The following EFCAB6 variants were observed in gnomAD, a reference collection of about 807,000 sequenced individuals.
EFCAB6 encodes the protein EF-hand calcium-binding domain-containing protein 6.
In EFCAB6, 156 loss-of-function variants were observed where a neutral mutation model predicts 169.8. The observed-to-expected ratio is 0.92, with a 90% CI of 0.81 to 1.05. EFCAB6 has a LOEUF of 1.05. Ranked by LOEUF, EFCAB6 falls within the 50% of genes least tolerant of loss-of-function variation. EFCAB6 has a pLI of 0.00. For missense variants in EFCAB6, 1,800 were observed against 1,829.1 expected, an observed-to-expected ratio of 0.98 and a Z score of 0.29; for synonymous variants, 698 against 676.4, an observed-to-expected ratio of 1.03 and a Z score of -0.50.
intron 21 of EFCAB6, among the ~76,000 whole-genome samples, chr22:43,614,541 G>C (rs1163910159): frequency 6.6e-6 from 1 of 152,230 alleles, no homozygotes; most frequent in Non-Finnish European, 1.5e-5. Context: ...GACGGCATAA[G>C]AGAAAATTTA....
chr22:43,680,862 C>A (rs1253767710), intron 12 of EFCAB6, among the ~76,000 whole-genome samples: 1 of 152,196 alleles, frequency 6.6e-6, no homozygotes, highest in Non-Finnish European at 1.5e-5. Context: ...CACACATGCA[C>A]AAATTCCTTA....
chr22:43,796,448 T>C (rs557011262), intron 2 of EFCAB6, among the ~76,000 whole-genome samples: 1 of 152,204 alleles, frequency 6.6e-6, no homozygotes, highest in Non-Finnish European at 1.5e-5. Flanking sequence ...ACTGTTTTGT[T>C]TGTAATACTC....
intron 4 of EFCAB6, among the ~76,000 whole-genome samples, chr22:43,770,783 A>G (rs184605747): frequency 1.1e-4 from 17 of 152,314 alleles, no homozygotes; most frequent in African/African-American, 4.1e-4. Flanking sequence ...TGGGACAGAA[A>G]AAAATTTGAG....
intron 17 of EFCAB6, among the ~76,000 whole-genome samples, chr22:43,664,085 T>C (rs1438264942): frequency 6.6e-6 from 1 of 152,190 alleles, no homozygotes; most frequent in African/African-American, 2.4e-5. Context: ...AGCATGCTGG[T>C]TGCCACCATG....
intron 3 of EFCAB6, among the ~76,000 whole-genome samples, chr22:43,774,087 C>T (rs1407464438): frequency 6.6e-6 from 1 of 151,984 alleles, no homozygotes; most frequent in Non-Finnish European, 1.5e-5. Context: ...TTAACATTGC[C>T]TCATCCTTTA....
At chr22:43,655,512 C>A (rs1218311841) in intron 17 of EFCAB6, among the ~76,000 whole-genome samples, 10 of 125,284 alleles carry the variant, frequency 8.0e-5, no homozygotes, top group African/African-American at 2.8e-4. Context: ...CAGAGCGAGA[C>A]CCTGTCTCAA....
At chr22:43,534,501 CTG>C (rs111457307) in intron 30 of EFCAB6, among the ~76,000 whole-genome samples, 185 bp downstream of exon 30, 3,194 of 152,324 alleles carry the variant, frequency 0.021, 117 homozygotes, top group African/African-American at 0.073. Flanking sequence ...CAGCTTGTGC[CTG>C]TGGTCCTAGT....
intron 3 of EFCAB6, among the ~76,000 whole-genome samples, chr22:43,774,795 G>A (rs919444173): frequency 6.6e-6 from 1 of 151,808 alleles, no homozygotes; most frequent in Admixed American, 6.6e-5. Context: ...AAAGGGGGAT[G>A]GGGGTGGGGA....
chr22:43,538,276 T>C (rs2047499304), intron 28 of EFCAB6, among the ~76,000 whole-genome samples: 1 of 152,200 alleles, frequency 6.6e-6, no homozygotes, highest in African/African-American at 2.4e-5. Flanking sequence ...CTGTTGGCTC[T>C]ACCTTGATGA....
chr22:43,529,974 A>G (rs1040936593), intron 31 of EFCAB6, among the ~76,000 whole-genome samples: 35 of 152,258 alleles, frequency 2.3e-4, no homozygotes, highest in African/African-American at 7.7e-4. Context: ...AGGAGACTGG[A>G]AAGCAGGGCT....
intron 7 of EFCAB6, among the ~76,000 whole-genome samples, chr22:43,735,543 C>G (rs1229883749): frequency 1.3e-5 from 2 of 152,096 alleles, no homozygotes; most frequent in Non-Finnish European, 2.9e-5. Flanking sequence ...GGGGCGGGCA[C>G]AGTGCCAAGT....
In EFCAB6 at chr22:43,632,216, T is replaced by G. The variant is rs201501464; in HGVS notation, c.2121A>C (p.Glu707Asp). 19 of 1,613,688 alleles carry G rather than the reference T, an allele frequency of 1.2e-5. No individual in the cohort carries two copies. The highest frequency in any genetic ancestry group is 1.6e-5 in the Non-Finnish European group (19 of 1,179,876). ...GAGTTGGAGGCTGCGGCGGAGTGGT[T>G]TCCGGCCCTCTCATTGGAGGATCTG... The part of the protein sequence containing the change: ...GFEDPPMRGP[E>D]TTPPQPPTPS... The change falls in exon 19 of 32, where the codon GAA (glutamate) becomes GAC (aspartate). Residue 707 changes from glutamate to aspartate, a missense_variant. Coordinates refer to ENST00000262726, the MANE Select transcript of EFCAB6 (RefSeq NM_022785.4).
intron 4 of EFCAB6, among the ~76,000 whole-genome samples, chr22:43,766,121 C>T (rs1321190545): frequency 2.0e-5 from 3 of 152,100 alleles, no homozygotes; most frequent in African/African-American, 7.2e-5. Context: ...CTGCAACCTT[C>T]GCCTCCCCGG....
intron 17 of EFCAB6, among the ~76,000 whole-genome samples, chr22:43,655,199 G>A (rs2056675763): frequency 6.6e-6 from 1 of 152,208 alleles, no homozygotes; most frequent in African/African-American, 2.4e-5. Context: ...GGAGGTTGCA[G>A]TGAGCTGAGA....
intron 17 of EFCAB6, among the ~76,000 whole-genome samples, chr22:43,653,052 G>A (rs9625938): frequency 0.045 from 6,877 of 152,222 alleles, 540 homozygotes; most frequent in African/African-American, 0.16. Flanking sequence ...GGGCTGAAGC[G>A]CTGAAAGCAA....
At chr22:43,601,369 T>G (rs2052509435) in intron 22 of EFCAB6, among the ~76,000 whole-genome samples, 1 of 152,266 alleles carries the variant, frequency 6.6e-6, no homozygotes, top group African/African-American at 2.4e-5. Flanking sequence ...CAGAAAGATC[T>G]TGGTCCTCAT....
chr22:43,803,107 C>T (rs1487982756), intron 2 of EFCAB6, among the ~76,000 whole-genome samples: 2 of 152,130 alleles, frequency 1.3e-5, no homozygotes, highest in Non-Finnish European at 2.9e-5. Context: ...TTTCTCTTTC[C>T]ACCTTCAGCA....
chr22:43,723,072 G>C (rs2147508956), intron 8 of EFCAB6, among the ~76,000 whole-genome samples: 1 of 152,262 alleles, frequency 6.6e-6, no homozygotes, highest in Non-Finnish European at 1.5e-5. Flanking sequence ...GGAAGTAACT[G>C]TATACGTAGT....
chr22:43,654,119 G>A (rs1043349729), intron 17 of EFCAB6, among the ~76,000 whole-genome samples: 1 of 152,048 alleles, frequency 6.6e-6, no homozygotes, highest in South Asian at 2.1e-4. Flanking sequence ...AAATCATTAA[G>A]GATCTTATAC....
Sources: gnomAD v4.1 joint callset for allele counts (sites outside exome capture counted in the v4.1 genomes callset) on GRCh38, gnomAD v4.1.1 for gene constraint, MANE v1.5 for transcripts, NCBI Gene and HGNC (gene_info 2026-07-23, HGNC 2026-07-21) for gene names.